Variants in RNGTT observed in about 807,000 individuals in gnomAD.
The protein encoded by RNGTT is RNA guanylyltransferase and 5'-phosphatase, also known as mRNA-capping enzyme.
In RNGTT, 33 loss-of-function variants were observed where a neutral mutation model predicts 79.3. That is an observed-to-expected ratio of 0.42 (90% confidence interval 0.32 to 0.56). The LOEUF is 0.56. Ranked by LOEUF, RNGTT falls within the 20% of genes least tolerant of loss-of-function variation. The pLI, the probability that RNGTT is intolerant of heterozygous loss-of-function variation, is 0.17. For missense variants in RNGTT, 497 were observed against 739.1 expected (o/e 0.67, Z 3.80); for synonymous variants, 222 against 235.9 (o/e 0.94, Z 0.54).
At chr6:88,894,380 C>T (rs1274531972) in intron 6 of RNGTT, among the ~76,000 whole-genome samples, 1 of 152,128 alleles carries the variant, frequency 6.6e-6, no homozygotes, top group Non-Finnish European at 1.5e-5. Flanking sequence ...TAAAAGAGAA[C>T]AATCATCCAG....
intron 11 of RNGTT, among the ~76,000 whole-genome samples, chr6:88,837,999 A>C (rs1245547300): frequency 6.6e-6 from 1 of 152,208 alleles, no homozygotes; most frequent in Non-Finnish European, 1.5e-5. Context: ...CACTATTTAC[A>C]CTTAATATGA....
intron 6 of RNGTT, among the ~76,000 whole-genome samples, chr6:88,899,237 C>T (rs1783362704): frequency 6.6e-6 from 1 of 150,566 alleles, no homozygotes; most frequent in Non-Finnish European, 1.5e-5. Context: ...AGACTAATTG[C>T]TTTCTCCAAA....
chr6:88,670,204 G>A (rs901504202), intron 14 of RNGTT, among the ~76,000 whole-genome samples: 1 of 152,218 alleles, frequency 6.6e-6, no homozygotes, highest in South Asian at 2.1e-4. Flanking sequence ...ACATATGCCT[G>A]TGCAGGTTTG....
At chr6:88,700,436 C>T (rs955994266) in intron 13 of RNGTT, among the ~76,000 whole-genome samples, 1 of 151,994 alleles carries the variant, frequency 6.6e-6, no homozygotes, top group African/African-American at 2.4e-5. Context: ...TAAAGCTGTC[C>T]TCCAATTATT....
intron 8 of RNGTT, among the ~76,000 whole-genome samples, chr6:88,878,242 C>G (rs1782582545): frequency 6.6e-6 from 1 of 151,952 alleles, no homozygotes; most frequent in African/African-American, 2.4e-5. Flanking sequence ...ATTACAGATG[C>G]AAGCCACCAC....
chr6:88,854,241 A>AT (rs371644319), intron 8 of RNGTT, among the ~76,000 whole-genome samples: 11 of 151,966 alleles, frequency 7.2e-5, no homozygotes, highest in African/African-American at 1.9e-4. Flanking sequence ...ACAAATAATA[A>AT]TTTTTTTAAC....
intron 13 of RNGTT, among the ~76,000 whole-genome samples, chr6:88,715,076 A>T (rs1776460631): frequency 6.6e-6 from 1 of 152,198 alleles, no homozygotes; most frequent in Admixed American, 6.5e-5. Flanking sequence ...CCATTGTCTC[A>T]GCCCAAAATC....
In RNGTT at chr6:88,679,496, T is replaced by C. The variant is rs540365374; in HGVS notation, c.1440-1077A>G. Among the ~76,000 whole-genome samples the C allele has an allele frequency of 2.0e-5, 3 of 152,326 alleles. No homozygotes were observed. The South Asian group carries it at 6.2e-4, about 32-fold the overall frequency. On this transcript the variant is annotated intron_variant, in intron 13 of 15. Coordinates refer to ENST00000369485, the MANE Select transcript of RNGTT (RefSeq NM_003800.5). The stretch of plus-strand genomic sequence containing the variant: ...GGCATATATTTTATTTTGCACGCAA[T>C]ATGGAGTCATATTAAAAGATGTACT...
intron 6 of RNGTT, among the ~76,000 whole-genome samples, chr6:88,892,478 A>G (rs539370685): frequency 6.6e-6 from 1 of 152,210 alleles, no homozygotes; most frequent in South Asian, 2.1e-4. Context: ...AAAGTGGCTA[A>G]GCCACAGTCA....
At chr6:88,769,747 G>A (rs771825656) in intron 13 of RNGTT, 27 bp downstream of exon 13, 2 of 1,402,198 alleles carry the variant, frequency 1.4e-6, no homozygotes, top group Admixed American at 3.4e-5. Flanking sequence ...ATTATTTCAT[G>A]CAAAAAGTAC....
intron 12 of RNGTT, among the ~76,000 whole-genome samples, chr6:88,781,042 G>A (rs1239213915): frequency 6.6e-6 from 1 of 152,094 alleles, no homozygotes; most frequent in Admixed American, 6.6e-5. Flanking sequence ...CAAAGCACAG[G>A]GCAGCTGCCC....
At chr6:88,671,636 T>C (rs189580389) in intron 14 of RNGTT, among the ~76,000 whole-genome samples, 13 of 152,168 alleles carry the variant, frequency 8.5e-5, no homozygotes, top group Non-Finnish European at 1.6e-4. Context: ...AAAAAGAGCC[T>C]GCAAAGCCAA....
At position 88,623,761 on chromosome 6, in the gene RNGTT, G is replaced by A. The variant is rs12199177; in HGVS notation, c.1507-9366C>T. ...AAGAAAAACAAATAAAAGACCTACCGGTTGAAAAGGAAGAAATAGGACTGT... is the reference window on the plus strand; with the variant it reads ...AAGAAAAACAAATAAAAGACCTACCAGTTGAAAAGGAAGAAATAGGACTGT... On this transcript the variant is annotated intron_variant, in intron 14 of 15. Coordinates refer to ENST00000369485, the MANE Select transcript of RNGTT (RefSeq NM_003800.5). Among the ~76,000 whole-genome samples, 1,447 of 152,058 alleles carry A rather than the reference G, an allele frequency of 9.5e-3. 7 individuals carry two copies. The highest frequency in any genetic ancestry group is 0.016 in the Non-Finnish European group (1,088 of 67,928).
At chr6:88,818,832 C>T (rs1780411073) in intron 11 of RNGTT, among the ~76,000 whole-genome samples, 1 of 152,118 alleles carries the variant, frequency 6.6e-6, no homozygotes, top group Non-Finnish European at 1.5e-5. Context: ...TAAATGACTG[C>T]AAAATTTAAT....
In RNGTT at chr6:88,859,124, TG is replaced by T. The variant is rs778559020; in HGVS notation, c.897-5361del. Among the ~76,000 whole-genome samples, 5 of 152,168 alleles carry T rather than the reference TG, an allele frequency of 3.3e-5. No individual in the cohort carries two copies. In the East Asian group the frequency reaches 9.6e-4, roughly 29 times the overall value. On this transcript the variant is annotated intron_variant, in intron 8 of 15. Coordinates refer to ENST00000369485, the MANE Select transcript of RNGTT (RefSeq NM_003800.5). ...CTCCCACCTCAGCCTCCAAAAGTGC[TG>T]GGATTACCGGCATAAGTCACCGTAC...
intron 1 of RNGTT, among the ~76,000 whole-genome samples, chr6:88,960,649 T>G (rs1280708606): frequency 6.6e-6 from 1 of 152,204 alleles, no homozygotes; most frequent in Non-Finnish European, 1.5e-5. Flanking sequence ...TTCTTCCAAG[T>G]ATTCACCTGA....
chr6:88,621,549 C>T (rs1235844399), intron 14 of RNGTT, among the ~76,000 whole-genome samples: 1 of 151,970 alleles, frequency 6.6e-6, no homozygotes, highest in East Asian at 1.9e-4. Context: ...ACTTAAATAT[C>T]CTCCCTTTGA....
intron 12 of RNGTT, among the ~76,000 whole-genome samples, chr6:88,776,248 T>C (rs902674446): frequency 1.3e-5 from 2 of 152,098 alleles, no homozygotes; most frequent in Non-Finnish European, 2.9e-5. Flanking sequence ...CATGAGGTAA[T>C]ATCTCAATGA....
intron 4 of RNGTT, among the ~76,000 whole-genome samples, chr6:88,917,018 T>C (rs1275309047): frequency 2.6e-5 from 4 of 152,254 alleles, no homozygotes; most frequent in Non-Finnish European, 5.9e-5. Flanking sequence ...TTGGGAGTAA[T>C]GGTGGGGATC....
Sources: gnomAD v4.1 joint callset for allele counts (sites outside exome capture counted in the v4.1 genomes callset) on GRCh38, gnomAD v4.1.1 for gene constraint, MANE v1.5 for transcripts, NCBI Gene and HGNC (gene_info 2026-07-23, HGNC 2026-07-21) for gene names.